Variants in SLC35D4 observed in about 807,000 individuals in gnomAD.
SLC35D4 encodes the protein solute carrier family 35 member D4.
At chr18:23,278,307 T>C in the SLC35D4 span, among the ~76,000 whole-genome samples, 2 of 152,102 alleles carry the variant, frequency 1.3e-5, no homozygotes, top group African/African-American at 2.4e-5. Flanking sequence ...AGGGACTACA[T>C]GTGCTGATGA....
the SLC35D4 span, among the ~76,000 whole-genome samples, chr18:23,245,737 TCTC>T: frequency 2.0e-5 from 3 of 152,188 alleles, no homozygotes; most frequent in Non-Finnish European, 2.9e-5. Context: ...CATCTGACCT[TCTC>T]CTTTCCCTGT....
chr18:23,342,436 G>A, the SLC35D4 span, among the ~76,000 whole-genome samples: 7 of 151,478 alleles, frequency 4.6e-5, no homozygotes, highest in Non-Finnish European at 1.0e-4. Context: ...ATTCCAAATT[G>A]TATATATATA....
chr18:23,309,785 G>A, the SLC35D4 span: 1 of 1,587,736 alleles, frequency 6.3e-7, no homozygotes, highest in African/African-American at 1.3e-5. Flanking sequence ...ATACCAGCAG[G>A]GCTCTGGAAA....
chr18:23,319,374 G>T, the SLC35D4 span, among the ~76,000 whole-genome samples: 1 of 151,206 alleles, frequency 6.6e-6, no homozygotes, highest in South Asian at 2.1e-4. Context: ...AGGTTCAAAT[G>T]ATTCTCCTGC....
At chr18:23,284,960 G>A in the SLC35D4 span, among the ~76,000 whole-genome samples, 5 of 152,322 alleles carry the variant, frequency 3.3e-5, no homozygotes, top group Middle Eastern at 0.01. Context: ...GGACCTTCAG[G>A]AAGGTGCTGA....
the SLC35D4 span, among the ~76,000 whole-genome samples, chr18:23,238,775 T>TGGGGGATCC: frequency 6.6e-6 from 1 of 152,322 alleles, no homozygotes; most frequent in African/African-American, 2.4e-5. Flanking sequence ...TCCTAGTTGA[T>TGGGGGATCC]AGACAGGAAA....
the SLC35D4 span, among the ~76,000 whole-genome samples, chr18:23,285,634 C>T: frequency 3.7e-4 from 56 of 152,210 alleles, no homozygotes; most frequent in African/African-American, 1.3e-3. Context: ...CCGCCTGTCC[C>T]CTCAGTCCCA....
the SLC35D4 span, among the ~76,000 whole-genome samples, chr18:23,360,963 G>C: frequency 6.6e-6 from 1 of 151,758 alleles, no homozygotes; most frequent in Non-Finnish European, 1.5e-5. Flanking sequence ...TTAGCTGGGC[G>C]TGGTGGCGGG....
the SLC35D4 span, among the ~76,000 whole-genome samples, chr18:23,364,142 G>A: frequency 7.2e-5 from 11 of 152,094 alleles, no homozygotes; most frequent in Non-Finnish European, 1.3e-4. Flanking sequence ...AGCTGAAAAC[G>A]CCAACAGAAA....
the SLC35D4 span, among the ~76,000 whole-genome samples, chr18:23,417,887 C>T: frequency 6.6e-6 from 1 of 152,172 alleles, no homozygotes; most frequent in Non-Finnish European, 1.5e-5. Flanking sequence ...TATAATGTGA[C>T]AGCCAATTCC....
chr18:23,240,070 A>G, the SLC35D4 span, among the ~76,000 whole-genome samples: 3 of 152,186 alleles, frequency 2.0e-5, no homozygotes, highest in Admixed American at 1.3e-4. Context: ...GTGAGCTGAG[A>G]TTGTGCCACT....
At chr18:23,364,922 AAAAAAAAAAAAG>A in the SLC35D4 span, among the ~76,000 whole-genome samples, 299 of 2,236 alleles carry the variant, frequency 0.13, 60 homozygotes, top group South Asian at 0.52. Flanking sequence ...AAAAAAAAAA[AAAAAAAAAAAAG>A]GACTCCTTTC....
the SLC35D4 span, among the ~76,000 whole-genome samples, chr18:23,289,739 C>T: frequency 6.6e-6 from 1 of 152,156 alleles, no homozygotes; most frequent in Non-Finnish European, 1.5e-5. Context: ...TGATGACATT[C>T]CACCACAAAA....
chr18:23,287,509 G>A, the SLC35D4 span, among the ~76,000 whole-genome samples: 2 of 152,246 alleles, frequency 1.3e-5, no homozygotes, highest in East Asian at 3.9e-4. Flanking sequence ...AAACACACTT[G>A]CTCTCCCTGC....
chr18:23,324,325 T>C, the SLC35D4 span, among the ~76,000 whole-genome samples: 23 of 152,164 alleles, frequency 1.5e-4, no homozygotes, highest in Admixed American at 8.5e-4. Context: ...TAAATTTCTA[T>C]TGTGTAAGCC....
the SLC35D4 span, among the ~76,000 whole-genome samples, chr18:23,298,925 C>G: frequency 6.6e-6 from 1 of 152,214 alleles, no homozygotes; most frequent in Admixed American, 6.5e-5. Context: ...CACGCCCAGG[C>G]CACGGCGCCT....
At chr18:23,243,796 C>G in the SLC35D4 span, among the ~76,000 whole-genome samples, 1 of 149,946 alleles carries the variant, frequency 6.7e-6, no homozygotes, top group African/African-American at 2.5e-5. Context: ...CGCTTGAACC[C>G]GGGAGGCAGA....
the SLC35D4 span, among the ~76,000 whole-genome samples, chr18:23,421,980 T>G: frequency 6.6e-6 from 1 of 151,670 alleles, no homozygotes; most frequent in African/African-American, 2.4e-5. Flanking sequence ...CCTGGCCTCT[T>G]CTCCTCTTAT....
the SLC35D4 span, chr18:23,298,072 A>G: frequency 6.2e-7 from 1 of 1,613,824 alleles, no homozygotes; most frequent in South Asian, 1.1e-5. Flanking sequence ...AGGAGGCTGC[A>G]AACAACAGCA....
Sources: allele counts gnomAD v4.1 joint callset (sites outside exome capture counted in the v4.1 genomes callset), GRCh38; gene constraint gnomAD v4.1.1; transcripts MANE v1.5; gene names NCBI Gene and HGNC (gene_info 2026-07-23, HGNC 2026-07-21).